TMTC2: variants seen among roughly 807,000 people sequenced by gnomAD.
TMTC2 encodes protein O-mannosyl-transferase TMTC2.
Under a neutral mutation model 82.4 loss-of-function variants are expected in TMTC2, and 43 were observed. The ratio of observed to expected loss-of-function variants is 0.52; its 90% CI spans 0.41 to 0.67. The LOEUF (loss-of-function observed/expected upper bound fraction) is 0.67. Among genes scored for constraint, TMTC2 ranks in the 30% least tolerant of loss-of-function variants. The probability of loss-of-function intolerance (pLI) is 0.00; values close to 1 mark genes in which losing one functional copy is unlikely to be tolerated. For synonymous variants in TMTC2, 408 were observed against 381.9 expected, an observed-to-expected ratio of 1.07 and a Z score of -0.80; for missense variants, 919 against 1,012.4, an observed-to-expected ratio of 0.91 and a Z score of 1.25.
intron 4 of TMTC2, among the ~76,000 whole-genome samples, chr12:82,933,453 G>A (rs1295445683): frequency 6.6e-6 from 1 of 152,136 alleles, no homozygotes; most frequent in Non-Finnish European, 1.5e-5. Context: ...TTAGTTTTGA[G>A]ATGTACCTAA....
At chr12:82,723,843 C>T (rs77328654) in intron 1 of TMTC2, among the ~76,000 whole-genome samples, 1,966 of 152,314 alleles carry the variant, frequency 0.013, 51 homozygotes, top group African/African-American at 0.046. Context: ...ACTCTGTGTA[C>T]TACAGGGCTG....
rs1005523752 is a variant in TMTC2, at chr12:83,021,373, A to G, written c.2071-9425A>G. Among the ~76,000 whole-genome samples, 4 of 152,084 alleles carry G rather than the reference A, an allele frequency of 2.6e-5. No homozygotes were observed. The East Asian group carries it at 7.7e-4, about 29-fold the overall frequency. On this transcript the variant is annotated intron_variant, in intron 8 of 11. Transcript: ENST00000321196. ...CCTTCCTATCAACACTTGCTTTCATACAGTCTTTCCCATGTGAATAAATGA... is the reference window on the plus strand; with the variant it reads ...CCTTCCTATCAACACTTGCTTTCATGCAGTCTTTCCCATGTGAATAAATGA...
chr12:83,126,637 T>A (rs991638487), intron 11 of TMTC2, among the ~76,000 whole-genome samples: 2 of 152,084 alleles, frequency 1.3e-5, no homozygotes, highest in East Asian at 3.9e-4. Context: ...GGTTGTAAAG[T>A]TATCAAGACT....
intron 8 of TMTC2, 42 bp downstream of exon 8, chr12:82,986,088 C>G (rs374196111): frequency 6.2e-7 from 1 of 1,613,158 alleles, no homozygotes. Flanking sequence ...TTGGTTTTCT[C>G]CATGCAGACC....
chr12:82,937,740 G>GTATATATATATATA (rs1876409781), intron 4 of TMTC2, among the ~76,000 whole-genome samples: 2 of 80,594 alleles, frequency 2.5e-5, no homozygotes, highest in African/African-American at 1.4e-4. Context: ...ATGTGTGTGT[G>GTATATATATATATA]TGTGTGTGTG....
chr12:82,896,382 C>A lies in TMTC2; in HGVS notation c.1219C>A (p.Pro407Thr). 1 of 1,614,116 alleles carries A rather than the reference C, an allele frequency of 6.2e-7. No individual in the cohort carries two copies. Among genetic ancestry groups the A allele is most frequent in the Non-Finnish European group, 8.5e-7 (1 of 1,180,028 alleles). ...SLSLLIIPFVPATNLFFYVGF... is the reference protein window; with the variant it reads ...SLSLLIIPFVTATNLFFYVGF... The stretch of plus-strand genomic sequence containing the variant: ...ATCTTTGTTAATCATACCCTTTGTT[C>A]CTGCCACGAACCTGTTTTTCTATGT... Residue 407 changes from proline to threonine, a missense_variant, in exon 3 of 12, where the codon CCT (proline) becomes ACT (threonine). By Grantham distance (38) the Pro-to-Thr change is conservative. Coordinates refer to ENST00000321196, the MANE Select transcript of TMTC2 (RefSeq NM_152588.3).
chr12:82,753,180 C>G (rs919992762), intron 1 of TMTC2, among the ~76,000 whole-genome samples: 8 of 152,172 alleles, frequency 5.3e-5, no homozygotes, highest in African/African-American at 1.7e-4. Context: ...CCACTCATCA[C>G]TTTTGCCCTC....
chr12:83,119,040 C>A (rs1339095347), intron 11 of TMTC2, among the ~76,000 whole-genome samples: 1 of 151,938 alleles, frequency 6.6e-6, no homozygotes, highest in Non-Finnish European at 1.5e-5. Flanking sequence ...TTTGGATTTT[C>A]TTTTTTCTTG....
intron 1 of TMTC2, among the ~76,000 whole-genome samples, chr12:82,816,074 T>C (rs1773437324): frequency 6.6e-6 from 1 of 152,048 alleles, no homozygotes; most frequent in Non-Finnish European, 1.5e-5. Flanking sequence ...TATAAAGGCA[T>C]GAATGAGCAA....
At chr12:82,883,832 A>G (rs1036518593) in intron 2 of TMTC2, among the ~76,000 whole-genome samples, 1 of 152,224 alleles carries the variant, frequency 6.6e-6, no homozygotes, top group Non-Finnish European at 1.5e-5. Flanking sequence ...AGTTTAATAA[A>G]AAACAAAGTG....
At chr12:82,724,395 C>A (rs1874348483) in intron 1 of TMTC2, among the ~76,000 whole-genome samples, 1 of 152,116 alleles carries the variant, frequency 6.6e-6, no homozygotes, top group South Asian at 2.1e-4. Flanking sequence ...AGGGAGGAAC[C>A]TAGTGGGAGA....
chr12:82,875,270 A>G (rs899136967), intron 2 of TMTC2, among the ~76,000 whole-genome samples: 15 of 152,200 alleles, frequency 9.9e-5, no homozygotes, highest in African/African-American at 2.9e-4. Flanking sequence ...GCATTTTACA[A>G]GGGACTTTTA....
chr12:82,943,342 C>T (rs1248767298), intron 4 of TMTC2, among the ~76,000 whole-genome samples: 1 of 152,152 alleles, frequency 6.6e-6, no homozygotes, highest in Non-Finnish European at 1.5e-5. Flanking sequence ...GGCTGCAGCT[C>T]CTCCTTTCCT....
chr12:82,977,858 C>G (rs559206637), intron 7 of TMTC2, among the ~76,000 whole-genome samples: 7 of 151,792 alleles, frequency 4.6e-5, no homozygotes, highest in Admixed American at 4.6e-4. Flanking sequence ...AGACAACAAA[C>G]TGAATACTGA....
intron 8 of TMTC2, among the ~76,000 whole-genome samples, chr12:82,989,901 A>G (rs192103203): frequency 6.6e-6 from 1 of 151,966 alleles, no homozygotes; most frequent in Non-Finnish European, 1.5e-5. Flanking sequence ...TACAAACCCT[A>G]TTATGGAATG....
chr12:83,050,137 G>C (rs140753088), intron 9 of TMTC2, among the ~76,000 whole-genome samples: 1 of 152,052 alleles, frequency 6.6e-6, no homozygotes, highest in Non-Finnish European at 1.5e-5. Flanking sequence ...TGGCTTCAGC[G>C]TATGTTTGTC....
chr12:82,985,779 G>A (rs1231652603), intron 7 of TMTC2, 146 bp from the exon 8 acceptor site: 1 of 1,036,180 alleles, frequency 9.7e-7, no homozygotes, highest in African/African-American at 1.6e-5. Context: ...TGACTTCTTT[G>A]GGAATCAGAT....
At chr12:82,879,146 GTTAA>G (rs1872709643) in intron 2 of TMTC2, among the ~76,000 whole-genome samples, 1 of 152,186 alleles carries the variant, frequency 6.6e-6, no homozygotes, top group Non-Finnish European at 1.5e-5. Context: ...TCCAGTGGGA[GTTAA>G]TTGTCTCTTA....
At chr12:83,111,188 A>G (rs1211723641) in intron 11 of TMTC2, among the ~76,000 whole-genome samples, 1 of 152,238 alleles carries the variant, frequency 6.6e-6, no homozygotes, top group Non-Finnish European at 1.5e-5. Flanking sequence ...CTGATGATGC[A>G]CTTTGTGCAA....
Sources: gnomAD v4.1 joint callset for allele counts (sites outside exome capture counted in the v4.1 genomes callset) on GRCh38, gnomAD v4.1.1 for gene constraint, MANE v1.5 for transcripts, NCBI Gene and HGNC (gene_info 2026-07-23, HGNC 2026-07-21) for gene names.